DNTT: variants seen among roughly 807,000 people sequenced by gnomAD.
DNTT encodes the protein DNA nucleotidylexotransferase.
Under a neutral mutation model 60.9 loss-of-function variants are expected in DNTT, and 47 were observed. The ratio of observed to expected loss-of-function variants is 0.77; its 90% CI spans 0.61 to 0.98. The LOEUF (loss-of-function observed/expected upper bound fraction) is 0.98, where lower values mean the gene tolerates loss of function less well. DNTT is among the 50% of genes least tolerant of loss of function. DNTT has a pLI of 0.00. For synonymous variants in DNTT, 224 were observed against 221.2 expected (o/e 1.01, Z -0.11); for missense variants, 665 against 627.5 (o/e 1.06, Z -0.64).
chr10:96,309,378 A>G (rs2133982878), intron 1 of DNTT, among the ~76,000 whole-genome samples: 1 of 152,294 alleles, frequency 6.6e-6, no homozygotes, highest in East Asian at 1.9e-4. Flanking sequence ...TTACAGTCAG[A>G]CAGGAAAGTC....
At chr10:96,325,396 G>T (rs1211885428) in intron 6 of DNTT, among the ~76,000 whole-genome samples, 2 of 152,154 alleles carry the variant, frequency 1.3e-5, no homozygotes, top group Non-Finnish European at 2.9e-5. Context: ...CCATTCAAAA[G>T]AAATTTAAAT....
intron 8 of DNTT, among the ~76,000 whole-genome samples, chr10:96,331,438 G>A (rs531664205): frequency 1.3e-5 from 2 of 152,320 alleles, no homozygotes; most frequent in South Asian, 4.2e-4. Context: ...TGCGGCCTCA[G>A]GGGGCTTACA....
chr10:96,330,433 AGGCTGCT>A (rs1222001524), intron 8 of DNTT, among the ~76,000 whole-genome samples: 1 of 152,032 alleles, frequency 6.6e-6, no homozygotes, highest in Non-Finnish European at 1.5e-5. Context: ...TTTACACAAA[AGGCTGCT>A]ATTCTGTACT....
At position 96,314,402 on chromosome 10, in the gene DNTT, C is replaced by CTTTTTTTTTTTTTTTTTTTTTTTTTTTTT. The variant is rs869059822; in HGVS notation, c.204-3922_204-3921insTTTTTTTTTTTTTTTTTTTTTTTTTTTTT. 4.7e-4 allele frequency among the ~76,000 whole-genome samples: 25 copies of CTTTTTTTTTTTTTTTTTTTTTTTTTTTTT among 53,218 alleles called. 8 individuals are homozygous for CTTTTTTTTTTTTTTTTTTTTTTTTTTTTT. Among genetic ancestry groups the CTTTTTTTTTTTTTTTTTTTTTTTTTTTTT allele is most frequent in the Admixed American group, 2.1e-3 (8 of 3,742 alleles). 34.9% of individuals were successfully genotyped at this position (53,218 alleles called of 152,430 possible). A position where few individuals can be genotyped will look rare whatever the true frequency, so the allele number is the denominator to read the frequency against. On this transcript the variant is annotated intron_variant, in intron 1 of 10. Transcript: ENST00000371174. ...TAACATTTCCAAGGCTATCTCTTCCCTTTTTTTTTTTTTTTTTTTTTTTTT... is the reference window on the plus strand; with the variant it reads ...TAACATTTCCAAGGCTATCTCTTCCCTTTTTTTTTTTTTTTTTTTTTTTTTTTTTTTTTTTTTTTTTTTTTTTTTTTTTT...
At chr10:96,317,357 C>T (rs734225) in intron 1 of DNTT, among the ~76,000 whole-genome samples, 117,468 of 152,152 alleles carry the variant, frequency 0.77, 49,110 homozygotes, top group Non-Finnish European at 0.95. Flanking sequence ...AGCACATGGC[C>T]AATGCCTTAA....
chr10:96,323,918 G>A (rs998891914), intron 5 of DNTT, among the ~76,000 whole-genome samples: 1 of 152,190 alleles, frequency 6.6e-6, no homozygotes, highest in African/African-American at 2.4e-5. Flanking sequence ...GAGCATGAGT[G>A]TCGGTGAGAG....
At chr10:96,320,122 G>T (rs1047726239) in intron 3 of DNTT, among the ~76,000 whole-genome samples, 1 of 152,230 alleles carries the variant, frequency 6.6e-6, no homozygotes, top group African/African-American at 2.4e-5. Flanking sequence ...AGCTACAGCT[G>T]CTTCCTCCCC....
Position 96,309,949 on chromosome 10 carries a change from G to C in DNTT, c.203+5249G>C, listed in dbSNP as rs557671139. Among the ~76,000 whole-genome samples the C allele has an allele frequency of 8.5e-5, 13 of 152,320 alleles. No individual in the cohort carries two copies. The South Asian group carries it at 2.3e-3, about 27-fold the overall frequency. On this transcript the variant is annotated intron_variant, in intron 1 of 10. Transcript: ENST00000371174. ...GTAAATCTTCTAACCATCCAGAACT[G>C]TCTTCCAAGGATCTGAAAAAAGCAA...
intron 6 of DNTT, among the ~76,000 whole-genome samples, chr10:96,326,671 G>A (rs942263342): frequency 2.0e-5 from 3 of 152,208 alleles, no homozygotes; most frequent in African/African-American, 7.2e-5. Context: ...TTTACAATTA[G>A]GAAACAGGCT....
At chr10:96,314,110 A>G (rs1844754798) in intron 1 of DNTT, among the ~76,000 whole-genome samples, 2 of 152,160 alleles carry the variant, frequency 1.3e-5, no homozygotes, top group Admixed American at 1.3e-4. Context: ...CACAAATTCT[A>G]TGTGGCAGCA....
At chr10:96,313,598 T>A (rs554625971) in intron 1 of DNTT, among the ~76,000 whole-genome samples, 61 of 152,356 alleles carry the variant, frequency 4.0e-4, no homozygotes, top group Middle Eastern at 3.4e-3. Context: ...TGTGATTACA[T>A]TGCCTACTGT....
chr10:96,331,518 G>A (rs1453608940), intron 8 of DNTT, among the ~76,000 whole-genome samples: 1 of 152,184 alleles, frequency 6.6e-6, no homozygotes, highest in Non-Finnish European at 1.5e-5. Context: ...GCAAGACAGA[G>A]TGGGGAGGGG....
Position 96,324,259 on chromosome 10 carries a change from A to T in DNTT, c.751-7A>T. 1 of 1,611,638 alleles carries T rather than the reference A, an allele frequency of 6.2e-7. No homozygotes were observed. Among genetic ancestry groups the T allele is most frequent in the South Asian group, 1.1e-5 (1 of 90,810 alleles). Reference sequence around the variant, plus strand: ...AGACTGATGGCATGCCTTTCCCTCCATTTTAGCTCTTTACTTCTGTATTTG... The same window carrying T: ...AGACTGATGGCATGCCTTTCCCTCCTTTTTAGCTCTTTACTTCTGTATTTG... On this transcript the variant is annotated splice_region_variant and splice_polypyrimidine_tract_variant and intron_variant, in intron 5 of 10. Coordinates refer to ENST00000371174, the MANE Select transcript of DNTT (RefSeq NM_004088.4).
chr10:96,331,749 C>A (rs1374086962), intron 8 of DNTT, among the ~76,000 whole-genome samples: 1 of 152,114 alleles, frequency 6.6e-6, no homozygotes, highest in Non-Finnish European at 1.5e-5. Flanking sequence ...CAAAGCTGCT[C>A]CCCAGAAACA....
At position 96,338,118 on chromosome 10, in the gene DNTT, A is replaced by G; in HGVS notation, c.1444-20A>G. 6.2e-7 allele frequency: 1 copy of G among 1,603,882 alleles called. No individual in the cohort carries two copies. The highest frequency in any genetic ancestry group is 8.5e-7 in the Non-Finnish European group (1 of 1,175,062). On this transcript the variant is annotated intron_variant, in intron 10 of 10. Coordinates refer to ENST00000371174, the MANE Select transcript of DNTT (RefSeq NM_004088.4). ...TTATGAAAAATATCTGAATGCACAT[A>G]TTTCTTGTTATGTTTTCAGAGGATA...
At chr10:96,336,452 C>G (rs1845070611) in intron 10 of DNTT, among the ~76,000 whole-genome samples, 1 of 152,236 alleles carries the variant, frequency 6.6e-6, no homozygotes, top group South Asian at 2.1e-4. Flanking sequence ...GTCTCATTGA[C>G]TACCCATGTC....
Position 96,320,808 on chromosome 10 carries a change from T to C in DNTT, c.678+20T>C, listed in dbSNP as rs1176286164. ...ATAGAGGTAAGGGTGAAATGGGATT[T>C]GTCCCACTTCCCAATAGGTAGGTGG... On this transcript the variant is annotated intron_variant, in intron 4 of 10. Transcript: ENST00000371174. 5 of 1,612,296 alleles carry C rather than the reference T, an allele frequency of 3.1e-6. No individual in the cohort carries two copies. Among genetic ancestry groups the C allele is most frequent in the Non-Finnish European group, 4.2e-6 (5 of 1,178,766 alleles).
In DNTT at chr10:96,319,303, G is replaced by A. The variant is rs201827729; in HGVS notation, c.420G>A (p.Pro140=). 3.0e-5 allele frequency: 48 copies of A among 1,613,760 alleles called. No individual in the cohort carries two copies. In the African/African-American group the frequency reaches 3.1e-4, roughly 10 times the overall value. Reference sequence around the variant, plus strand: ...CAGATAGCACCAACCCAGGCCCCCCGAAGACTCCACCAATTGCTGTACAAA... The same window carrying A: ...CAGATAGCACCAACCCAGGCCCCCCAAAGACTCCACCAATTGCTGTACAAA... ...DYSDSTNPGP[P]KTPPIAVQKI... is the part of the protein sequence containing the mutation. The change falls in exon 3 of 11, where the codon CCG becomes CCA. Residue 140 remains proline (P), a synonymous_variant. Coordinates refer to ENST00000371174, the MANE Select transcript of DNTT (RefSeq NM_004088.4).
intron 7 of DNTT, 139 bp from the exon 8 acceptor site, chr10:96,328,586 A>T: frequency 1.4e-6 from 1 of 721,862 alleles, no homozygotes; most frequent in Middle Eastern, 4.0e-4. Context: ...GTAACCAAGG[A>T]TATTTTGTTT....
Sources: allele counts gnomAD v4.1 joint callset (sites outside exome capture counted in the v4.1 genomes callset), GRCh38; gene constraint gnomAD v4.1.1; transcripts MANE v1.5; gene names NCBI Gene and HGNC (gene_info 2026-07-23, HGNC 2026-07-21).